The following NTRK1 variants were observed in gnomAD, a reference collection of about 807,000 sequenced individuals.
NTRK1 encodes high affinity nerve growth factor receptor.
NTRK1 carries 62 observed loss-of-function variants against 86.8 expected under a neutral mutation model. That is an observed-to-expected ratio of 0.71 (90% CI 0.58 to 0.88). NTRK1 has a LOEUF of 0.88. NTRK1 is among the 40% of genes least tolerant of loss of function. NTRK1 has a pLI of 0.00. For missense variants in NTRK1, 967 were observed against 1,078.4 expected (o/e 0.90, Z 1.45); for synonymous variants, 469 against 456.6 (o/e 1.03, Z -0.35).
At chr1:156,860,669 G>A, upstream of NTRK1, 1 of 506,914 alleles carries the variant, frequency 2.0e-6, no homozygotes. Context: ...GCCCCTCAGC[G>A]TCTGCCGGAG....
chr1:156,815,846 T>A, intron 1 of NTRK1: 1 of 1,614,138 alleles, frequency 6.2e-7, no homozygotes, highest in South Asian at 1.1e-5. Context: ...GAGGTACTCC[T>A]CATTTTCGTT....
chr1:156,862,216 C>T (rs1397807732), intron 1 of NTRK1, among the ~76,000 whole-genome samples: 1 of 152,104 alleles, frequency 6.6e-6, no homozygotes, highest in African/African-American at 2.4e-5. Flanking sequence ...GCACTGAGTT[C>T]CTTGGGTATC....
At chr1:156,848,121 G>C (rs1012796215) in intron 2 of NTRK1, among the ~76,000 whole-genome samples, 1 of 152,114 alleles carries the variant, frequency 6.6e-6, no homozygotes, top group East Asian at 1.9e-4. Context: ...GCCCACGCTG[G>C]AGACCTTCAC....
At chr1:156,833,082 A>G (rs180863127) in intron 1 of NTRK1, among the ~76,000 whole-genome samples, 1 of 152,360 alleles carries the variant, frequency 6.6e-6, no homozygotes, top group African/African-American at 2.4e-5. Flanking sequence ...CCAGAGTGGT[A>G]CACCAAGTAG....
intron 1 of NTRK1, among the ~76,000 whole-genome samples, chr1:156,830,680 G>C (rs987117989): frequency 6.6e-6 from 1 of 150,682 alleles, no homozygotes; most frequent in African/African-American, 2.5e-5. Flanking sequence ...TCAACCTCCT[G>C]AGTAGCTGGG....
intron 10 of NTRK1, 83 bp from the exon 11 acceptor site, chr1:156,874,823 C>G (rs1647796094): frequency 8.1e-7 from 1 of 1,237,914 alleles, no homozygotes; most frequent in Non-Finnish European, 1.2e-6. Context: ...GGCTCCCATG[C>G]AGGATGAAAA....
At chr1:156,867,692 G>T (rs566397605) in intron 4 of NTRK1, among the ~76,000 whole-genome samples, 1 of 148,290 alleles carries the variant, frequency 6.7e-6, no homozygotes, top group Non-Finnish European at 1.5e-5. Context: ...TTTATGAGAC[G>T]GAGTCTCGCT....
intron 14 of NTRK1, 56 bp downstream of exon 14, chr1:156,876,628 C>G (rs1431040433): frequency 1.9e-6 from 3 of 1,560,556 alleles, no homozygotes; most frequent in African/African-American, 2.7e-5. Flanking sequence ...GCCCCGTCTT[C>G]CCTTCCCTAT....
chr1:156,858,658 C>T (rs1383318201), upstream of NTRK1: 2 of 1,561,256 alleles, frequency 1.3e-6, no homozygotes, highest in Non-Finnish European at 8.8e-7. Context: ...CCCGGCTCTC[C>T]TCCCGGTGAC....
chr1:156,874,306 G>T lies in NTRK1; in HGVS notation c.1178-77G>T. On this transcript the variant is annotated intron_variant, in intron 8 of 16. Coordinates refer to ENST00000524377, the MANE Select transcript of NTRK1 (RefSeq NM_002529.4). Reference sequence around the variant, plus strand: ...GGAATGAGTCCCAGAGTAGGCAGGGGACTCACTGCTTTCCTCCTCCCTCTG... The same window carrying T: ...GGAATGAGTCCCAGAGTAGGCAGGGTACTCACTGCTTTCCTCCTCCCTCTG... The T allele has an allele frequency of 3.1e-6, 5 of 1,600,502 alleles. No individual in the cohort carries two copies. In the South Asian group the frequency reaches 4.4e-5, roughly 14 times the overall value.
At chr1:156,848,964 C>G (rs201657635) in intron 2 of NTRK1, 11 of 1,604,474 alleles carry the variant, frequency 6.9e-6, no homozygotes, top group African/African-American at 4.0e-5. Flanking sequence ...TCGCGGGCCT[C>G]CAGTGGCTCA....
intron 1 of NTRK1, chr1:156,841,780 G>A (rs751031490): frequency 9.9e-6 from 16 of 1,613,980 alleles, no homozygotes; most frequent in Non-Finnish European, 1.4e-5. Context: ...TACACGTCCC[G>A]AGTCATCCCG....
chr1:156,853,975 AGCCCCACGCAGCACG>A (rs1655322419), intron 2 of NTRK1: 2 of 1,612,826 alleles, frequency 1.2e-6, no homozygotes, highest in Admixed American at 1.7e-5. Flanking sequence ...CCACACGCAC[AGCCCCACGCAGCACG>A]GCCCCAAGTG....
intron 6 of NTRK1, among the ~76,000 whole-genome samples, chr1:156,869,016 C>CT (rs1647372856): frequency 1.6e-5 from 2 of 122,462 alleles, no homozygotes; most frequent in Non-Finnish European, 3.5e-5. Flanking sequence ...ACTTTTCTCT[C>CT]TCCCTTCCTT....
chr1:156,845,560 A>T, intron 2 of NTRK1: 3 of 1,348,678 alleles, frequency 2.2e-6, no homozygotes, highest in Non-Finnish European at 3.0e-6. Flanking sequence ...CTCCCGCAAG[A>T]CCCGCCCCTC....
chr1:156,881,531 G>C lies in NTRK1; in HGVS notation c.2280G>C (p.Met760Ile). The change falls in exon 17 of 17, where the codon ATG becomes ATC. Residue 760 changes from methionine to isoleucine, a missense_variant. Met to Ile is a conservative substitution (Grantham distance 10, BLOSUM62 1). Around this residue, in one of 2 missense-constraint regions of NTRK1, gnomAD observed 637 missense variants for 776.5 expected, o/e 0.82. Coordinates refer to ENST00000524377, the MANE Select transcript of NTRK1 (RefSeq NM_002529.4). ...GCCCACCAGAGGTCTACGCCATCAT[G>C]CGGGGCTGCTGGCAGCGGGAGCCCC... ...RACPPEVYAI[M>I]RGCWQREPQQ... 6.2e-7 allele frequency: 1 copy of C among 1,603,348 alleles called. No homozygotes were observed. The highest frequency in any genetic ancestry group is 8.5e-7 in the Non-Finnish European group (1 of 1,175,316).
rs758535120 is a variant in NTRK1 at position 156,844,545 on chromosome 1, T to C, written c.50+2352T>C. ...GGTTGCCCTAACCCTGGCAGAGTAGTTTCCAGGGGGCAGCAGGGCCAGGTG... is the reference window on the plus strand; with the variant it reads ...GGTTGCCCTAACCCTGGCAGAGTAGCTTCCAGGGGGCAGCAGGGCCAGGTG... On this transcript the variant is annotated intron_variant, in intron 2 of 16. Transcript: ENST00000392302. 1.4e-5 allele frequency: 22 copies of C among 1,614,026 alleles called. No individual in the cohort carries two copies. The highest frequency in any genetic ancestry group is 1.9e-5 in the Non-Finnish European group (22 of 1,180,032).
intron 1 of NTRK1, among the ~76,000 whole-genome samples, chr1:156,827,573 T>G (rs1654355838): frequency 6.6e-6 from 1 of 152,184 alleles, no homozygotes; most frequent in Non-Finnish European, 1.5e-5. Context: ...ATTTTTAAAT[T>G]TTTTTGTAGA....
In NTRK1 at chr1:156,871,688, G is replaced by A. The variant is rs1226932579; in HGVS notation, c.783G>A (p.Lys261=). The A allele has an allele frequency of 1.2e-6, 2 of 1,614,096 alleles. No homozygotes were observed. The highest frequency in any genetic ancestry group is 1.7e-5 in the Admixed American group (1 of 60,014). ...LANVTSDLNR[K]NVTCWAENDV... Reference sequence around the variant, plus strand: ...ATGTCACCAGTGACCTCAACAGGAAGAACGTGACGTGCTGGGCAGAGAACG... The same window carrying A: ...ATGTCACCAGTGACCTCAACAGGAAAAACGTGACGTGCTGGGCAGAGAACG... Residue 261 remains lysine (K), a synonymous_variant, in exon 7 of 17, where the codon AAG becomes AAA. Transcript: ENST00000524377.
Sources: allele counts gnomAD v4.1 joint callset (sites outside exome capture counted in the v4.1 genomes callset), GRCh38; gene constraint gnomAD v4.1.1; regional missense constraint gnomAD v4.1.1; transcripts MANE v1.5; gene names NCBI Gene and HGNC (gene_info 2026-07-23, HGNC 2026-07-21).